WDR17: variants seen among roughly 807,000 people sequenced by gnomAD.
WDR17 encodes WD repeat domain 17.
WDR17 carries 143 observed loss-of-function variants against 161.7 expected under a neutral mutation model. That is an observed-to-expected ratio of 0.88 (90% CI 0.77 to 1.02). The LOEUF is 1.02. Ranked by LOEUF, WDR17 falls within the 50% of genes least tolerant of loss-of-function variation. The probability of loss-of-function intolerance (pLI) is 0.00; values close to 1 mark genes in which losing one functional copy is unlikely to be tolerated. For missense variants in WDR17, 1,469 were observed against 1,520.9 expected (o/e 0.97, Z 0.57); for synonymous variants, 517 against 515.6 (o/e 1.00, Z -0.04).
chr4:176,102,685 C>A (rs188755327), intron 1 of WDR17, among the ~76,000 whole-genome samples: 2 of 152,266 alleles, frequency 1.3e-5, no homozygotes, highest in African/African-American at 4.8e-5. Flanking sequence ...AGCCATTAAG[C>A]CATGAAAGGC....
rs180965909 is a variant in WDR17, at chr4:176,158,900, T to G, written c.2526-1094T>G. Among the ~76,000 whole-genome samples, 350 of 152,310 alleles carry G rather than the reference T, an allele frequency of 2.3e-3. 2 individuals are homozygous for G. Among genetic ancestry groups the G allele is most frequent in the African/African-American group, 8.1e-3 (337 of 41,574 alleles). ...CAGATTGGCAGTCTCTCAATCATAG[T>G]TTCAAATGCCCAGGGAAGTAGATTA... On this transcript the variant is annotated intron_variant, in intron 18 of 28. Coordinates refer to ENST00000508596, the MANE Select transcript of WDR17 (RefSeq NM_181265.4).
At position 176,182,062 on chromosome 4, in the gene WDR17, A is replaced by G. The variant is rs1049306284; in HGVS notation, c.*2483A>G. 1 of 152,100 alleles carries G rather than the reference A, an allele frequency of 6.6e-6. No individual in the cohort carries two copies. The allele number at this position is 152,100 out of a possible 1,614,324, so 9.4% of individuals were successfully genotyped here. Reference sequence around the variant, plus strand: ...AAAAACAAATTTTTTAATTCATAAAAGTATTTTTATTAGATTTCATATGCA... The same window carrying G: ...AAAAACAAATTTTTTAATTCATAAAGGTATTTTTATTAGATTTCATATGCA... On this transcript the variant is annotated 3_prime_UTR_variant, in exon 29 of 29. Coordinates refer to ENST00000508596, the MANE Select transcript of WDR17 (RefSeq NM_181265.4). The surrounding 1 kb of genome is among the most constrained non-coding windows in gnomAD (Gnocchi z 4.2).
chr4:176,122,415 C>T (rs1481025750), intron 4 of WDR17, among the ~76,000 whole-genome samples: 1 of 148,620 alleles, frequency 6.7e-6, no homozygotes, highest in African/African-American at 2.4e-5. Context: ...CCCATAACAA[C>T]CCAATACAGA....
intron 5 of WDR17, among the ~76,000 whole-genome samples, chr4:176,126,634 C>T (rs1273969652): frequency 6.6e-6 from 1 of 152,068 alleles, no homozygotes; most frequent in Non-Finnish European, 1.5e-5. Flanking sequence ...ATGTTGAACC[C>T]ATGTGAATAA....
chr4:176,175,611 G>T (rs1408768320), intron 26 of WDR17, among the ~76,000 whole-genome samples: 1 of 152,136 alleles, frequency 6.6e-6, no homozygotes, highest in African/African-American at 2.4e-5. Context: ...AGGCTGGAGT[G>T]CAGTGGCACA....
In WDR17 at chr4:176,177,507, T is replaced by A; in HGVS notation, c.3585T>A (p.Asp1195Glu). Residue 1195 changes from aspartate to glutamate, a missense_variant, in exon 28 of 29, where the codon GAT (aspartate) becomes GAA (glutamate). Asp to Glu is a conservative substitution (Grantham distance 45). Coordinates refer to ENST00000508596, the MANE Select transcript of WDR17 (RefSeq NM_181265.4). ...ACTCTCCGTATACACCCCCTTCTGA[T>A]TCACAAAGAATGATTTATGCAACTT... ...LEDSPYTPPS[D>E]SQRMIYATLL... The A allele has an allele frequency of 1.3e-6, 2 of 1,582,466 alleles. No homozygotes were observed. The highest frequency in any genetic ancestry group is 1.7e-6 in the Non-Finnish European group (2 of 1,171,488).
At chr4:176,139,870 A>G in intron 9 of WDR17, 22 bp from the exon 10 acceptor site, 5 of 1,569,864 alleles carry the variant, frequency 3.2e-6, no homozygotes, top group Non-Finnish European at 4.3e-6. Flanking sequence ...TCTTATTGAT[A>G]GGTATTTTAC....
chr4:176,158,158 T>G (rs1748453290), intron 18 of WDR17, among the ~76,000 whole-genome samples: 1 of 152,224 alleles, frequency 6.6e-6, no homozygotes, highest in Non-Finnish European at 1.5e-5. Context: ...TGTGATCAAT[T>G]CTTCATTTAG....
intron 5 of WDR17, among the ~76,000 whole-genome samples, chr4:176,127,578 G>A (rs570192467): frequency 1.3e-5 from 2 of 152,194 alleles, no homozygotes; most frequent in East Asian, 3.8e-4. Context: ...ATACAGGCAT[G>A]AGCCATCATG....
chr4:176,124,127 T>G (rs1433622751), intron 4 of WDR17, among the ~76,000 whole-genome samples: 1 of 152,228 alleles, frequency 6.6e-6, no homozygotes, highest in Non-Finnish European at 1.5e-5. Context: ...AGTTGTATTA[T>G]CTTTCAATTG....
At chr4:176,109,164 T>A (rs552808271) in intron 1 of WDR17, among the ~76,000 whole-genome samples, 1 of 152,318 alleles carries the variant, frequency 6.6e-6, no homozygotes, top group African/African-American at 2.4e-5. Context: ...AAACTCAATA[T>A]TTGGTTAAAC....
intron 23 of WDR17, among the ~76,000 whole-genome samples, chr4:176,171,552 G>A (rs553677180): frequency 3.3e-5 from 5 of 152,158 alleles, no homozygotes; most frequent in South Asian, 2.1e-4. Context: ...TTTTAAATAA[G>A]AAATTTGAAA....
intron 1 of WDR17, among the ~76,000 whole-genome samples, chr4:176,074,810 C>CTTTTTTTT (rs386357678): frequency 1.1e-4 from 9 of 79,198 alleles, no homozygotes; most frequent in East Asian, 4.6e-4. Flanking sequence ...TTTTTTAATG[C>CTTTTTTTT]TTTTTTTTTT....
chr4:176,116,128 T>C (rs1740585341), intron 3 of WDR17, 149 bp downstream of exon 3: 1 of 744,624 alleles, frequency 1.3e-6, no homozygotes, highest in Non-Finnish European at 2.0e-6. Context: ...TAATGACTCA[T>C]GCCCATAGGT....
At chr4:176,096,773 G>A (rs1326556401) in intron 1 of WDR17, among the ~76,000 whole-genome samples, 2 of 151,850 alleles carry the variant, frequency 1.3e-5, no homozygotes, top group East Asian at 3.9e-4. Context: ...ATTATATAGT[G>A]AAGAAGAAAG....
At chr4:176,142,157 A>G in intron 11 of WDR17, 88 bp downstream of exon 11, 2 of 1,048,210 alleles carry the variant, frequency 1.9e-6, no homozygotes, top group East Asian at 2.4e-5. Flanking sequence ...TCCAAAGGTA[A>G]TATCTATCAC....
At chr4:176,078,990 A>G (rs1466666435) in intron 1 of WDR17, among the ~76,000 whole-genome samples, 6 of 151,986 alleles carry the variant, frequency 3.9e-5, no homozygotes, top group Non-Finnish European at 8.8e-5. Flanking sequence ...TATAGCTGTA[A>G]TTTTGTATTA....
chr4:176,104,542 G>A (rs1459535502), intron 1 of WDR17, among the ~76,000 whole-genome samples: 1 of 151,906 alleles, frequency 6.6e-6, no homozygotes, highest in Non-Finnish European at 1.5e-5. Flanking sequence ...ATTAGTTTGT[G>A]TTTCAGGCCA....
chr4:176,098,687 T>C (rs1737292033), intron 1 of WDR17, among the ~76,000 whole-genome samples: 1 of 152,006 alleles, frequency 6.6e-6, no homozygotes, highest in African/African-American at 2.4e-5. Context: ...GCAAAAATAA[T>C]TTAGAAATTC....
Sources: allele counts gnomAD v4.1 joint callset (sites outside exome capture counted in the v4.1 genomes callset), GRCh38; gene constraint gnomAD v4.1.1; non-coding constraint Gnocchi (gnomAD v3.1); transcripts MANE v1.5; gene names NCBI Gene and HGNC (gene_info 2026-07-23, HGNC 2026-07-21).